The following SDC2 variants were observed in gnomAD, a reference collection of about 807,000 sequenced individuals.
SDC2 encodes the protein syndecan 2.
In SDC2, 13 loss-of-function variants were observed where a neutral mutation model predicts 22.2. The observed-to-expected ratio is 0.59, with a 90% confidence interval of 0.38 to 0.93. The LOEUF (loss-of-function observed/expected upper bound fraction) is 0.93. Among genes scored for constraint, SDC2 ranks in the 40% least tolerant of loss-of-function variants. The pLI is 0.00. For missense variants in SDC2, 235 were observed against 246.8 expected, an observed-to-expected ratio of 0.95 and a Z score of 0.32; for synonymous variants, 94 against 92.8, an observed-to-expected ratio of 1.01 and a Z score of -0.07.
At chr8:96,539,314 T>G (rs2589200) in intron 1 of SDC2, among the ~76,000 whole-genome samples, 87,203 of 152,046 alleles carry the variant, frequency 0.57, 26,646 homozygotes, top group Non-Finnish European at 0.7. Context: ...TGATATAAAA[T>G]TATTTTCTTC....
At chr8:96,550,821 C>T (rs1296273814) in intron 1 of SDC2, among the ~76,000 whole-genome samples, 1 of 152,178 alleles carries the variant, frequency 6.6e-6, no homozygotes, top group Non-Finnish European at 1.5e-5. Flanking sequence ...TCAGGAGCCT[C>T]TAGAAGCCTC....
chr8:96,562,038 G>A (rs1386980126), intron 1 of SDC2, among the ~76,000 whole-genome samples: 2 of 152,132 alleles, frequency 1.3e-5, no homozygotes, highest in Non-Finnish European at 2.9e-5. Context: ...TGGATCATGT[G>A]TTTGGTGTTG....
chr8:96,565,460 T>C (rs1197501791), intron 1 of SDC2, among the ~76,000 whole-genome samples: 2 of 152,234 alleles, frequency 1.3e-5, no homozygotes, highest in Admixed American at 6.5e-5. Context: ...TCATTTTTTT[T>C]CCTCCATGTT....
chr8:96,516,543 C>A (rs1171738462), intron 1 of SDC2, among the ~76,000 whole-genome samples: 2 of 151,324 alleles, frequency 1.3e-5, no homozygotes, highest in East Asian at 3.9e-4. Context: ...ATCACCCCCC[C>A]ACCTCAAAAA....
At chr8:96,535,161 A>G (rs1324365790) in intron 1 of SDC2, among the ~76,000 whole-genome samples, 1 of 152,176 alleles carries the variant, frequency 6.6e-6, no homozygotes. Context: ...GGCATGTGCC[A>G]CCACGCCCAG....
chr8:96,576,703 G>GCCA (rs1468550071), intron 1 of SDC2, among the ~76,000 whole-genome samples: 7 of 151,556 alleles, frequency 4.6e-5, no homozygotes, highest in Non-Finnish European at 1.0e-4. Context: ...ACAGGCGTGA[G>GCCA]CCACCGCGCC....
chr8:96,503,575 T>C (rs1813197575), intron 1 of SDC2, among the ~76,000 whole-genome samples: 1 of 151,946 alleles, frequency 6.6e-6, no homozygotes, highest in South Asian at 2.1e-4. Flanking sequence ...ACTAGGAAAA[T>C]CAGAATAAGA....
Position 96,611,091 on chromosome 8 carries a change from A to G in SDC2, c.*1543A>G, listed in dbSNP as rs1380118451. 2 of 152,646 alleles carry G rather than the reference A, an allele frequency of 1.3e-5. No homozygotes were observed. Among genetic ancestry groups the G allele is most frequent in the African/African-American group, 4.8e-5 (2 of 41,450 alleles). The allele number at this position is 152,646 out of a possible 1,614,324, so 9.5% of individuals were successfully genotyped here. A position where few individuals can be genotyped will look rare whatever the true frequency, so the allele number is the denominator to read the frequency against. ...ACTGAAGCTTAACCGAAGAACTAAT[A>G]AATGGACTACAGTAGCTCACGTTAC... On this transcript the variant is annotated 3_prime_UTR_variant, in exon 5 of 5. Transcript: ENST00000302190.
intron 1 of SDC2, among the ~76,000 whole-genome samples, chr8:96,566,099 C>G (rs1313392329): frequency 1.3e-5 from 2 of 152,184 alleles, no homozygotes; most frequent in African/African-American, 4.8e-5. Flanking sequence ...AGTGAGCACT[C>G]ACTGGAATAG....
intron 1 of SDC2, among the ~76,000 whole-genome samples, chr8:96,511,182 G>A (rs1198815639): frequency 2.6e-5 from 4 of 152,150 alleles, no homozygotes; most frequent in Admixed American, 2.0e-4. Flanking sequence ...TCTGAGCTAC[G>A]GTTCTCACCT....
rs1814562441 is a variant in SDC2, at chr8:96,579,935, G to A, written c.61-13545G>A. 3.3e-5 allele frequency among the ~76,000 whole-genome samples: 5 copies of A among 152,286 alleles called. 1 individual carries two copies. In the South Asian group the frequency reaches 1.0e-3, roughly 32 times the overall value. On this transcript the variant is annotated intron_variant, in intron 1 of 4. Coordinates refer to ENST00000302190, the MANE Select transcript of SDC2 (RefSeq NM_002998.4). ...TTAGCATGGGATTGTTTTCTTAAAA[G>A]CCGTGAAAGGGAAAAGAATCAATAT...
At chr8:96,565,898 T>C (rs1025342999) in intron 1 of SDC2, among the ~76,000 whole-genome samples, 1 of 152,154 alleles carries the variant, frequency 6.6e-6, no homozygotes, top group African/African-American at 2.4e-5. Flanking sequence ...GCTGCCTTGT[T>C]ACCCCACAGA....
chr8:96,515,922 AC>A (rs1813394800), intron 1 of SDC2, among the ~76,000 whole-genome samples: 1 of 152,100 alleles, frequency 6.6e-6, no homozygotes, highest in Non-Finnish European at 1.5e-5. Flanking sequence ...TGACACTTTC[AC>A]CAACTTACGG....
intron 1 of SDC2, among the ~76,000 whole-genome samples, chr8:96,549,884 T>G (rs1813999596): frequency 6.6e-6 from 1 of 152,190 alleles, no homozygotes; most frequent in Non-Finnish European, 1.5e-5. Context: ...CTTTTTTGGC[T>G]AAGAGTAGAG....
chr8:96,494,229 C>G lies in SDC2; in HGVS notation c.-43C>G, dbSNP rs374632641. ...GCTGGGCAGGAGGCTTCGTTTTGCCCTGGTTGCAAGCAGCGGCTGGGAGCA... is the reference window on the plus strand; with the variant it reads ...GCTGGGCAGGAGGCTTCGTTTTGCCGTGGTTGCAAGCAGCGGCTGGGAGCA... On this transcript the variant is annotated 5_prime_UTR_variant, in exon 1 of 5. Transcript: ENST00000302190. 9.8e-6 allele frequency: 15 copies of G among 1,536,864 alleles called. No homozygotes were observed. The East Asian group carries it at 3.7e-4, about 38-fold the overall frequency.
chr8:96,542,399 G>A (rs1813864996), intron 1 of SDC2, among the ~76,000 whole-genome samples: 1 of 152,194 alleles, frequency 6.6e-6, no homozygotes, highest in Non-Finnish European at 1.5e-5. Flanking sequence ...AAACCATAAT[G>A]AATGTTTTGG....
At chr8:96,508,251 G>A (rs979341055) in intron 1 of SDC2, among the ~76,000 whole-genome samples, 20 of 151,086 alleles carry the variant, frequency 1.3e-4, no homozygotes, top group Middle Eastern at 3.4e-3. Context: ...AGCAGAGATC[G>A]CGCCACTGCA....
intron 1 of SDC2, among the ~76,000 whole-genome samples, chr8:96,587,892 A>C (rs987307534): frequency 3.9e-5 from 6 of 152,140 alleles, no homozygotes; most frequent in African/African-American, 7.2e-5. Context: ...GAACATGCTC[A>C]GTGACATACA....
chr8:96,535,764 T>TA (rs1813744785), intron 1 of SDC2, among the ~76,000 whole-genome samples: 1 of 152,162 alleles, frequency 6.6e-6, no homozygotes, highest in Non-Finnish European at 1.5e-5. Context: ...CTTAGAAAAA[T>TA]ATTGTCTTCC....
Sources: allele counts gnomAD v4.1 joint callset (sites outside exome capture counted in the v4.1 genomes callset), GRCh38; gene constraint gnomAD v4.1.1; transcripts MANE v1.5; gene names NCBI Gene and HGNC (gene_info 2026-07-23, HGNC 2026-07-21).